The following CCBE1 variants were observed in gnomAD, a reference collection of about 807,000 sequenced individuals.
CCBE1 encodes collagen and calcium-binding EGF domain-containing protein 1.
CCBE1 carries 37 observed loss-of-function variants against 50.0 expected under a neutral mutation model. The ratio of observed to expected loss-of-function variants is 0.74; its 90% CI spans 0.57 to 0.97. The LOEUF (loss-of-function observed/expected upper bound fraction) is 0.97. Among genes scored for constraint, CCBE1 ranks in the 50% least tolerant of loss-of-function variants. The pLI is 0.00. For synonymous variants in CCBE1, 234 were observed against 203.7 expected (o/e 1.15, Z -1.27); for missense variants, 538 against 523.8 (o/e 1.03, Z -0.26).
At chr18:59,490,388 T>C (rs604809) in intron 2 of CCBE1, among the ~76,000 whole-genome samples, 42 of 45,970 alleles carry the variant, frequency 9.1e-4, no homozygotes, top group Non-Finnish European at 8.4e-4. Flanking sequence ...ATATTCCCCC[T>C]TTTTTTTTTT....
At chr18:59,596,431 A>T (rs1484275490) in intron 2 of CCBE1, among the ~76,000 whole-genome samples, 1 of 152,218 alleles carries the variant, frequency 6.6e-6, no homozygotes, top group African/African-American at 2.4e-5. Flanking sequence ...TATTTTTTTC[A>T]ATACCTAGAT....
chr18:59,443,993 G>A (rs942808975), intron 7 of CCBE1, among the ~76,000 whole-genome samples: 1 of 152,156 alleles, frequency 6.6e-6, no homozygotes, highest in Non-Finnish European at 1.5e-5. Flanking sequence ...ATTATATAGT[G>A]TGTCATTTTT....
At chr18:59,675,836 A>T (rs2054493948) in intron 2 of CCBE1, among the ~76,000 whole-genome samples, 1 of 152,226 alleles carries the variant, frequency 6.6e-6, no homozygotes, top group Non-Finnish European at 1.5e-5. Flanking sequence ...GAAGGAATCT[A>T]ACAGTAATGT....
At chr18:59,549,443 C>A (rs538381884) in intron 2 of CCBE1, among the ~76,000 whole-genome samples, 4 of 152,306 alleles carry the variant, frequency 2.6e-5, no homozygotes, top group African/African-American at 9.6e-5. Context: ...CCAACGCCAA[C>A]CGAATTAAGA....
chr18:59,458,175 T>TCCATCTTC (rs144447547), intron 5 of CCBE1, among the ~76,000 whole-genome samples: 2 of 151,102 alleles, frequency 1.3e-5, no homozygotes, highest in African/African-American at 2.4e-5. Context: ...CATCCATCCA[T>TCCATCTTC]CCTTCCATCC....
At chr18:59,468,705 C>A (rs1911873718) in intron 4 of CCBE1, among the ~76,000 whole-genome samples, 1 of 152,208 alleles carries the variant, frequency 6.6e-6, no homozygotes, top group Admixed American at 6.5e-5. Context: ...ACCTGCTAGT[C>A]TCTGGCAGTT....
chr18:59,668,195 G>A (rs1282603696), intron 2 of CCBE1, among the ~76,000 whole-genome samples: 2 of 152,028 alleles, frequency 1.3e-5, no homozygotes, highest in Non-Finnish European at 2.9e-5. Flanking sequence ...TGAGGCGGGT[G>A]GATCACAAGG....
intron 2 of CCBE1, among the ~76,000 whole-genome samples, chr18:59,509,925 G>C (rs561480039): frequency 8.5e-4 from 130 of 152,340 alleles, no homozygotes; most frequent in African/African-American, 2.9e-3. Flanking sequence ...GGGAAGGCCA[G>C]GGAGGGGAGT....
At chr18:59,602,851 T>C (rs2053450736) in intron 2 of CCBE1, among the ~76,000 whole-genome samples, 2 of 152,326 alleles carry the variant, frequency 1.3e-5, no homozygotes, top group South Asian at 4.2e-4. Context: ...CGCAGCCTAA[T>C]GGTTAAGAAC....
At chr18:59,521,176 A>G (rs1296858758) in intron 2 of CCBE1, among the ~76,000 whole-genome samples, 1 of 152,230 alleles carries the variant, frequency 6.6e-6, no homozygotes, top group Non-Finnish European at 1.5e-5. Context: ...GGCTATTTTA[A>G]GCAAACAAGA....
At chr18:59,670,645 A>G (rs1369687291) in intron 2 of CCBE1, among the ~76,000 whole-genome samples, 1 of 152,148 alleles carries the variant, frequency 6.6e-6, no homozygotes, top group Non-Finnish European at 1.5e-5. Context: ...GGAATCCATT[A>G]TCCTAAATAA....
At chr18:59,652,706 T>C (rs1599103238) in intron 2 of CCBE1, among the ~76,000 whole-genome samples, 1 of 152,220 alleles carries the variant, frequency 6.6e-6, no homozygotes, top group African/African-American at 2.4e-5. Context: ...GGCTCCCGCC[T>C]GTAATCCCAG....
rs145072268 is a variant in CCBE1, at chr18:59,528,234, C to A, written c.213-47996G>T. 3.6e-3 allele frequency among the ~76,000 whole-genome samples: 544 copies of A among 152,292 alleles called. 1 individual carries two copies. The highest frequency in any genetic ancestry group is 5.3e-3 in the Non-Finnish European group (361 of 68,030). On this transcript the variant is annotated intron_variant, in intron 2 of 10. Transcript: ENST00000439986. ...TGTCTTACTTCAACAAGATAGTCTT[C>A]AAGCTCTAAAATTCTTTCCTCTGTT... is the stretch of plus-strand genomic sequence containing the variant.
At chr18:59,453,612 G>C (rs1215276452) in intron 6 of CCBE1, among the ~76,000 whole-genome samples, 1 of 152,090 alleles carries the variant, frequency 6.6e-6, no homozygotes, top group African/African-American at 2.4e-5. Flanking sequence ...TTTCATTAGG[G>C]GCTGGCTGCA....
At chr18:59,464,096 A>G (rs1598922277) in intron 5 of CCBE1, 1 of 152,096 alleles carries the variant, frequency 6.6e-6, no homozygotes, top group Admixed American at 6.6e-5. Context: ...CCCCTCCCCC[A>G]CTGTCTCCAC....
intron 2 of CCBE1, among the ~76,000 whole-genome samples, chr18:59,582,714 C>T (rs1365661570): frequency 1.3e-5 from 2 of 152,206 alleles, no homozygotes; most frequent in African/African-American, 2.4e-5. Context: ...CTACCCTGCT[C>T]CCAAACTCTT....
chr18:59,434,690 A>G lies in CCBE1; in HGVS notation c.*1218T>C, dbSNP rs539084843. On this transcript the variant is annotated 3_prime_UTR_variant, in exon 11 of 11. Transcript: ENST00000439986. The stretch of plus-strand genomic sequence containing the variant: ...AACTGGAACTTGGACTAAATTAAAG[A>G]AAATTAAGAAAAAATGAGAATAGGA... 1 of 152,356 alleles carries G rather than the reference A, an allele frequency of 6.6e-6. No individual in the cohort carries two copies. Among genetic ancestry groups the G allele is most frequent in the South Asian group, 2.1e-4 (1 of 4,834 alleles). 9.4% of individuals were successfully genotyped at this position (152,356 alleles called of 1,614,324 possible). A position where few individuals can be genotyped will look rare whatever the true frequency, so the allele number is the denominator to read the frequency against.
chr18:59,691,924 G>T (rs1481161275), intron 2 of CCBE1, among the ~76,000 whole-genome samples: 1 of 152,212 alleles, frequency 6.6e-6, no homozygotes. Context: ...GGGAAGGGAT[G>T]AAAGTGGTGT....
intron 2 of CCBE1, among the ~76,000 whole-genome samples, chr18:59,658,660 T>C (rs188599839): frequency 6.6e-6 from 1 of 150,742 alleles, no homozygotes; most frequent in Admixed American, 6.6e-5. Flanking sequence ...GGCAGGCAGA[T>C]CACAAGGTCA....
Sources: allele counts gnomAD v4.1 joint callset (sites outside exome capture counted in the v4.1 genomes callset), GRCh38; gene constraint gnomAD v4.1.1; transcripts MANE v1.5; gene names NCBI Gene and HGNC (gene_info 2026-07-23, HGNC 2026-07-21).